The following EXOC6B variants were observed in gnomAD, a reference collection of about 807,000 sequenced individuals.
EXOC6B encodes SEC15 homolog B.
In EXOC6B, 54 loss-of-function variants were observed where a neutral mutation model predicts 113.5. The observed-to-expected ratio is 0.48, with a 90% CI of 0.38 to 0.60. The LOEUF (loss-of-function observed/expected upper bound fraction) is 0.60, where lower values mean the gene tolerates loss of function less well. Ranked by LOEUF, EXOC6B falls within the 20% of genes least tolerant of loss-of-function variation. The probability of loss-of-function intolerance (pLI) is 0.00; values close to 1 mark genes in which losing one functional copy is unlikely to be tolerated. For missense variants in EXOC6B, 797 were observed against 977.5 expected, an observed-to-expected ratio of 0.82 and a Z score of 2.46; for synonymous variants, 357 against 339.0, an observed-to-expected ratio of 1.05 and a Z score of -0.58.
chr2:72,499,701 T>C (rs1700223720), intron 12 of EXOC6B, among the ~76,000 whole-genome samples, 200 bp downstream of exon 12: 1 of 152,082 alleles, frequency 6.6e-6, no homozygotes, highest in Non-Finnish European at 1.5e-5. Context: ...TGATTTTTTA[T>C]GTTTTTATTT....
At chr2:72,418,880 GT>G (rs1694693610) in intron 18 of EXOC6B, among the ~76,000 whole-genome samples, 1 of 152,034 alleles carries the variant, frequency 6.6e-6, no homozygotes, top group Non-Finnish European at 1.5e-5. Context: ...ACGACCTTCT[GT>G]CCCCCCCTTA....
chr2:72,474,040 G>T (rs1419713319), intron 17 of EXOC6B, among the ~76,000 whole-genome samples: 3 of 151,142 alleles, frequency 2.0e-5, no homozygotes, highest in East Asian at 1.9e-4. Flanking sequence ...TAGTATGTTT[G>T]CCCAACATGT....
At chr2:72,409,597 C>G (rs1401191101) in intron 18 of EXOC6B, among the ~76,000 whole-genome samples, 3 of 152,074 alleles carry the variant, frequency 2.0e-5, no homozygotes, top group Non-Finnish European at 4.4e-5. Context: ...AACCATCATT[C>G]TCAGCAAACT....
At position 72,640,943 on chromosome 2, in the gene EXOC6B, C is replaced by G. The variant is rs547908253; in HGVS notation, c.670-65275G>C. On this transcript the variant is annotated intron_variant, in intron 6 of 21. Coordinates refer to ENST00000272427, the MANE Select transcript of EXOC6B (RefSeq NM_015189.3). Reference sequence around the variant, plus strand: ...CTAACTCTCCTAAATATATATGCACCCAACACAGGATTAGCCAGATTCATA... The same window carrying G: ...CTAACTCTCCTAAATATATATGCACGCAACACAGGATTAGCCAGATTCATA... 2.0e-5 allele frequency among the ~76,000 whole-genome samples: 3 copies of G among 152,228 alleles called. No homozygotes were observed. In the South Asian group the frequency reaches 6.2e-4, roughly 32 times the overall value.
chr2:72,782,492 G>A (rs2104997158), intron 1 of EXOC6B, among the ~76,000 whole-genome samples: 1 of 152,230 alleles, frequency 6.6e-6, no homozygotes, highest in African/African-American at 2.4e-5. Flanking sequence ...TACTTAAGGT[G>A]TCCATCACCT....
chr2:72,330,579 C>A (rs1205064740), intron 20 of EXOC6B, among the ~76,000 whole-genome samples: 1 of 152,038 alleles, frequency 6.6e-6, no homozygotes, highest in African/African-American at 2.4e-5. Flanking sequence ...GACTCTTCAC[C>A]TTTTCCATGA....
intron 1 of EXOC6B, among the ~76,000 whole-genome samples, chr2:72,748,070 T>A (rs1479882677): frequency 1.3e-5 from 2 of 152,040 alleles, no homozygotes; most frequent in Non-Finnish European, 1.5e-5. Flanking sequence ...GGATTTCTAG[T>A]TGTTTCAGAG....
chr2:72,650,030 CG>C (rs1426175336), intron 6 of EXOC6B, among the ~76,000 whole-genome samples: 1 of 152,216 alleles, frequency 6.6e-6, no homozygotes, highest in East Asian at 1.9e-4. Context: ...GAACTGGGCG[CG>C]GGGCACGACA....
intron 10 of EXOC6B, among the ~76,000 whole-genome samples, chr2:72,513,641 T>A (rs921478207): frequency 1.3e-5 from 2 of 151,934 alleles, no homozygotes; most frequent in African/African-American, 4.8e-5. Flanking sequence ...AAAGCTAATA[T>A]ATACATCATA....
chr2:72,720,404 G>C (rs1679917293), intron 5 of EXOC6B, among the ~76,000 whole-genome samples: 1 of 151,992 alleles, frequency 6.6e-6, no homozygotes, highest in Non-Finnish European at 1.5e-5. Context: ...TAGATTCAAA[G>C]ATACAAATAG....
intron 20 of EXOC6B, among the ~76,000 whole-genome samples, chr2:72,320,898 C>A (rs1210495596): frequency 6.6e-6 from 1 of 151,924 alleles, no homozygotes; most frequent in African/African-American, 2.4e-5. Flanking sequence ...AGAAGAGATA[C>A]AAATACATTA....
At chr2:72,473,111 G>C (rs1212403678) in intron 17 of EXOC6B, among the ~76,000 whole-genome samples, 2 of 152,052 alleles carry the variant, frequency 1.3e-5, no homozygotes, top group Non-Finnish European at 2.9e-5. Flanking sequence ...GGTCTATCTT[G>C]GAGAATGTTC....
chr2:72,493,719 T>C (rs77218581), intron 15 of EXOC6B, among the ~76,000 whole-genome samples: 39 of 152,266 alleles, frequency 2.6e-4, no homozygotes, highest in Non-Finnish European at 4.4e-5. Context: ...AAAATCTTTC[T>C]TTCAAAAAGA....
intron 20 of EXOC6B, among the ~76,000 whole-genome samples, chr2:72,270,950 T>G: frequency 6.6e-6 from 1 of 152,200 alleles, no homozygotes; most frequent in East Asian, 1.9e-4. Context: ...GAATCTTCTT[T>G]GTGTGTACAG....
intron 1 of EXOC6B, among the ~76,000 whole-genome samples, chr2:72,765,388 G>A (rs987733367): frequency 6.6e-6 from 1 of 152,122 alleles, no homozygotes; most frequent in Non-Finnish European, 1.5e-5. Context: ...GAACTGCTCA[G>A]GCAGTCAGGC....
chr2:72,471,065 T>C (rs1387555455), intron 17 of EXOC6B, among the ~76,000 whole-genome samples: 3 of 152,178 alleles, frequency 2.0e-5, no homozygotes, highest in Admixed American at 6.5e-5. Context: ...ATGGTTGAAC[T>C]AGTTTACAGT....
At chr2:72,445,149 C>A (rs11902701) in intron 18 of EXOC6B, among the ~76,000 whole-genome samples, 1 of 152,138 alleles carries the variant, frequency 6.6e-6, no homozygotes, top group Non-Finnish European at 1.5e-5. Context: ...CAAAGTTCCA[C>A]AAATCTCTAG....
intron 16 of EXOC6B, 27 bp downstream of exon 16, chr2:72,492,291 G>T (rs760618288): frequency 4.2e-6 from 6 of 1,413,726 alleles, no homozygotes; most frequent in Non-Finnish European, 6.0e-6. Flanking sequence ...ATACTGGCTC[G>T]GCTGCCTTCA....
chr2:72,329,980 T>TA (rs1437045718), intron 20 of EXOC6B, among the ~76,000 whole-genome samples: 5 of 151,796 alleles, frequency 3.3e-5, no homozygotes, highest in East Asian at 1.9e-4. Flanking sequence ...CAGCTCAATC[T>TA]AAAAAAAAGC....
Sources: allele counts gnomAD v4.1 joint callset (sites outside exome capture counted in the v4.1 genomes callset), GRCh38; gene constraint gnomAD v4.1.1; transcripts MANE v1.5; gene names NCBI Gene and HGNC (gene_info 2026-07-23, HGNC 2026-07-21).